PPARGC1A: variants seen among roughly 807,000 people sequenced by gnomAD.
PPARGC1A encodes the protein peroxisome proliferator-activated receptor gamma coactivator 1-alpha.
A neutral mutation model predicts 88.7 loss-of-function variants in PPARGC1A; 25 were observed. The observed-to-expected ratio is 0.28, with a 90% CI of 0.21 to 0.39. The LOEUF is 0.39. Ranked by LOEUF, PPARGC1A falls within the 10% of genes least tolerant of loss-of-function variation. The pLI is 1.00. For synonymous variants in PPARGC1A, 363 were observed against 355.6 expected (o/e 1.02, Z -0.24); for missense variants, 880 against 968.7 (o/e 0.91, Z 1.22).
chr4:24,143,616 T>A, the PPARGC1A span, among the ~76,000 whole-genome samples: 1 of 151,850 alleles, frequency 6.6e-6, no homozygotes, highest in Admixed American at 6.5e-5. Context: ...GATAGAAAGA[T>A]GATAGATAGA....
At chr4:23,861,192 G>C (rs953060804) in intron 2 of PPARGC1A, among the ~76,000 whole-genome samples, 1 of 152,142 alleles carries the variant, frequency 6.6e-6, no homozygotes, top group Non-Finnish European at 1.5e-5. Flanking sequence ...AACATAACTA[G>C]AAATGCAAAA....
chr4:23,896,668 T>A (rs142590191), intron 1 of PPARGC1A, among the ~76,000 whole-genome samples: 1 of 152,302 alleles, frequency 6.6e-6, no homozygotes, highest in South Asian at 2.1e-4. Context: ...ATTTAATCAA[T>A]TGTAAAGTCA....
the PPARGC1A span, among the ~76,000 whole-genome samples, chr4:24,347,639 T>G: frequency 3.3e-5 from 5 of 152,310 alleles, no homozygotes; most frequent in African/African-American, 1.2e-4. Context: ...TTTAAGTGTA[T>G]GTGAGTCCTT....
chr4:24,049,294 A>G, the PPARGC1A span, among the ~76,000 whole-genome samples: 14 of 55,972 alleles, frequency 2.5e-4, no homozygotes, highest in Admixed American at 1.4e-3. Context: ...ATATGTGTGT[A>G]TATATATATG....
chr4:24,208,525 T>C, the PPARGC1A span, among the ~76,000 whole-genome samples: 3 of 151,950 alleles, frequency 2.0e-5, no homozygotes, highest in Non-Finnish European at 4.4e-5. Context: ...GATGGTTACA[T>C]GGAAAAATAC....
chr4:24,307,894 G>A, the PPARGC1A span, among the ~76,000 whole-genome samples: 3 of 152,144 alleles, frequency 2.0e-5, no homozygotes, highest in African/African-American at 7.2e-5. Flanking sequence ...TGGGGAATGG[G>A]GAGAGACATG....
At chr4:23,988,520 A>G in the PPARGC1A span, among the ~76,000 whole-genome samples, 1 of 152,074 alleles carries the variant, frequency 6.6e-6, no homozygotes, top group Non-Finnish European at 1.5e-5. Context: ...ACATTGTTGG[A>G]AAGACCCAGA....
chr4:24,033,621 T>C, the PPARGC1A span, among the ~76,000 whole-genome samples: 1 of 152,174 alleles, frequency 6.6e-6, no homozygotes, highest in East Asian at 1.9e-4. Context: ...AGCCACCTTT[T>C]TTACTAGCAT....
chr4:24,175,903 C>G, the PPARGC1A span, among the ~76,000 whole-genome samples: 1 of 152,100 alleles, frequency 6.6e-6, no homozygotes, highest in Non-Finnish European at 1.5e-5. Context: ...ATGGCATCCT[C>G]TCACCTCACA....
the PPARGC1A span, among the ~76,000 whole-genome samples, chr4:24,116,513 A>G: frequency 2.0e-5 from 3 of 152,218 alleles, no homozygotes; most frequent in Non-Finnish European, 4.4e-5. Context: ...GAAAAAACAT[A>G]TAATTCACTC....
chr4:24,393,270 T>A, the PPARGC1A span, among the ~76,000 whole-genome samples: 1 of 152,008 alleles, frequency 6.6e-6, no homozygotes, highest in South Asian at 2.1e-4. Flanking sequence ...GGAGGGGAAA[T>A]TGCATGAAAT....
At chr4:24,019,244 T>C in the PPARGC1A span, among the ~76,000 whole-genome samples, 2 of 152,200 alleles carry the variant, frequency 1.3e-5, no homozygotes, top group African/African-American at 2.4e-5. Flanking sequence ...AATCCTAGGC[T>C]AGATTCCTAA....
At chr4:23,952,133 C>T in the PPARGC1A span, among the ~76,000 whole-genome samples, 5 of 152,270 alleles carry the variant, frequency 3.3e-5, no homozygotes, top group Middle Eastern at 6.8e-3. Flanking sequence ...TTCTCAGAAT[C>T]TACCACTAGA....
the PPARGC1A span, among the ~76,000 whole-genome samples, chr4:24,216,123 ATCCATTTTGCAGCT>A: frequency 7.0e-6 from 1 of 143,080 alleles, no homozygotes; most frequent in Admixed American, 7.0e-5. Context: ...ACAAAGGCCC[ATCCATTTTGCAGCT>A]AACTCTTTTT....
the PPARGC1A span, among the ~76,000 whole-genome samples, chr4:24,435,869 C>G: frequency 6.6e-6 from 1 of 152,134 alleles, no homozygotes; most frequent in South Asian, 2.1e-4. Context: ...ATGCCCAAGC[C>G]CTGCTTTTTC....
At chr4:24,265,435 T>C in the PPARGC1A span, among the ~76,000 whole-genome samples, 143,309 of 152,226 alleles carry the variant, frequency 0.94, 67,551 homozygotes, top group East Asian at 1. Context: ...GCCCTTAAAA[T>C]GAGTTTTGTT....
chr4:23,897,239 G>C (rs1281709955), intron 1 of PPARGC1A, among the ~76,000 whole-genome samples: 2 of 152,216 alleles, frequency 1.3e-5, no homozygotes, highest in Non-Finnish European at 2.9e-5. Flanking sequence ...AAGAAGAGGA[G>C]TAATGAGGTT....
At chr4:23,806,113 A>T (rs1024461095) in intron 10 of PPARGC1A, among the ~76,000 whole-genome samples, 2 of 152,122 alleles carry the variant, frequency 1.3e-5, no homozygotes, top group Non-Finnish European at 2.9e-5. Flanking sequence ...TGAATTACCT[A>T]TTTTTCTACC....
upstream of PPARGC1A, among the ~76,000 whole-genome samples, chr4:23,906,111 A>G (rs1719998166): frequency 6.6e-6 from 1 of 152,228 alleles, no homozygotes; most frequent in Admixed American, 6.5e-5. Flanking sequence ...ACCATTTAAA[A>G]GAGTGCACTG....
Sources: gnomAD v4.1 joint callset for allele counts (sites outside exome capture counted in the v4.1 genomes callset) on GRCh38, gnomAD v4.1.1 for gene constraint, MANE v1.5 for transcripts, NCBI Gene and HGNC (gene_info 2026-07-23, HGNC 2026-07-21) for gene names.